FKBP4: variants seen among roughly 807,000 people sequenced by gnomAD.
FKBP4 encodes FKBP prolyl isomerase 4, also known as peptidyl-prolyl cis-trans isomerase FKBP4.
In FKBP4, 28 loss-of-function variants were observed where a neutral mutation model predicts 54.1. That is an observed-to-expected ratio of 0.52 (90% CI 0.38 to 0.71). The LOEUF is 0.71. FKBP4 is among the 30% of genes least tolerant of loss of function. The pLI is 0.00. For synonymous variants in FKBP4, 223 were observed against 216.1 expected (o/e 1.03, Z -0.28); for missense variants, 493 against 574.4 (o/e 0.86, Z 1.45).
Position 2,798,699 on chromosome 12 carries a change from C to A in FKBP4, c.394-7C>A. 1 of 1,613,254 alleles carries A rather than the reference C, an allele frequency of 6.2e-7. No homozygotes were observed. The highest frequency in any genetic ancestry group is 8.5e-7 in the Non-Finnish European group (1 of 1,179,984). On this transcript the variant is annotated splice_region_variant and splice_polypyrimidine_tract_variant and intron_variant, in intron 3 of 9. Coordinates refer to ENST00000001008, the MANE Select transcript of FKBP4 (RefSeq NM_002014.4). This position sits in a 1 kb window ranked among gnomAD's most constrained non-coding sequence, Gnocchi z 4.3. ...GGGAAGGAATTGTGTCACATCTTGT[C>A]CCACAGGTGGAGTTGTTTGAGTTTA...
Position 2,804,711 on chromosome 12 carries a change from G to A in FKBP4, c.*1453G>A, listed in dbSNP as rs1412269382. The A allele has an allele frequency of 1.3e-5, 2 of 156,406 alleles. No individual in the cohort carries two copies. Among genetic ancestry groups the A allele is most frequent in the Non-Finnish European group, 2.8e-5 (2 of 71,100 alleles). 9.7% of individuals were successfully genotyped at this position (156,406 alleles called of 1,614,324 possible). ...CATGCCTGTATAGTTCCTTCCAGAA[G>A]AAATGTATAATGGTGGAAGATGTAT... On this transcript the variant is annotated 3_prime_UTR_variant, in exon 10 of 10. Coordinates refer to ENST00000001008, the MANE Select transcript of FKBP4 (RefSeq NM_002014.4).
At chr12:2,800,659 G>A (rs2097904233) in intron 8 of FKBP4, 82 bp downstream of exon 8, 5 of 1,387,164 alleles carry the variant, frequency 3.6e-6, no homozygotes, top group African/African-American at 2.9e-5. Context: ...ACTTCCCCTT[G>A]GTGACTAGGG....
rs1478103914 is a variant in FKBP4, at chr12:2,795,042, C to A, written c.-98C>A. 1.5e-6 allele frequency: 1 copy of A among 664,854 alleles called. No homozygotes were observed. Among genetic ancestry groups the A allele is most frequent in the East Asian group, 4.0e-5 (1 of 25,314 alleles). 41.2% of individuals were successfully genotyped at this position (664,854 alleles called of 1,614,324 possible). On this transcript the variant is annotated 5_prime_UTR_variant, in exon 1 of 10. Coordinates refer to ENST00000001008, the MANE Select transcript of FKBP4 (RefSeq NM_002014.4). The surrounding 1 kb of genome is among the most constrained non-coding windows in gnomAD (Gnocchi z 4.3). ...CGGTCCGCAGTCAGTGCCGCCGCGC[C>A]CGGCCTCCCGCACGCCCCGCAGGTA... is the stretch of plus-strand genomic sequence containing the variant.
Position 2,798,718 on chromosome 12 carries a change from G to A in FKBP4, c.406G>A (p.Glu136Lys). 6.2e-7 allele frequency: 1 copy of A among 1,613,724 alleles called. No homozygotes were observed. The change falls in exon 4 of 10, where the codon GAG becomes AAG. Residue 136 changes from glutamate (E) to lysine (K), a missense_variant. Transcript: ENST00000001008. This position sits in a 1 kb window ranked among gnomAD's most constrained non-coding sequence, Gnocchi z 4.3. ...ATLVFEVELF[E>K]FKGEDLTEEE... ...TCTTGTCCCACAGGTGGAGTTGTTTGAGTTTAAGGGAGAAGATCTGACGGA... is the reference window on the plus strand; with the variant it reads ...TCTTGTCCCACAGGTGGAGTTGTTTAAGTTTAAGGGAGAAGATCTGACGGA...
chr12:2,799,107 C>T lies in FKBP4; in HGVS notation c.534C>T (p.Tyr178=), dbSNP rs776622503. ...TGCCAGTTGCACTGGAAGGGTACTA[C>T]AAGGACAAGCTCTTTGACCAGCGGG... is the stretch of plus-strand genomic sequence containing the variant. ...AIVEVALEGY[Y]KDKLFDQREL... is the part of the protein sequence containing the mutation. Residue 178 remains tyrosine, a synonymous_variant, in exon 5 of 10, where the codon TAC becomes TAT. Coordinates refer to ENST00000001008, the MANE Select transcript of FKBP4 (RefSeq NM_002014.4). The T allele has an allele frequency of 6.4e-7, 1 of 1,553,654 alleles. No individual in the cohort carries two copies. The highest frequency in any genetic ancestry group is 1.3e-5 in the South Asian group (1 of 79,222).
Position 2,795,018 on chromosome 12 carries a change from G to A in FKBP4, c.-122G>A, listed in dbSNP as rs540661281. 4 of 441,184 alleles carry A rather than the reference G, an allele frequency of 9.1e-6. No homozygotes were observed. The highest frequency in any genetic ancestry group is 4.2e-5 in the African/African-American group (2 of 48,050). The allele number at this position is 441,184 out of a possible 1,614,324, so 27.3% of individuals were successfully genotyped here. ...TGCAGAGGTGCTCAAGCCTCCTCGCGGTCCGCAGTCAGTGCCGCCGCGCCC... is the reference window on the plus strand; with the variant it reads ...TGCAGAGGTGCTCAAGCCTCCTCGCAGTCCGCAGTCAGTGCCGCCGCGCCC... On this transcript the variant is annotated 5_prime_UTR_variant, in exon 1 of 10. Coordinates refer to ENST00000001008, the MANE Select transcript of FKBP4 (RefSeq NM_002014.4). This position sits in a 1 kb window ranked among gnomAD's most constrained non-coding sequence, Gnocchi z 4.3.
At chr12:2,802,753 T>G (rs536211042) in intron 9 of FKBP4, among the ~76,000 whole-genome samples, 1 of 152,046 alleles carries the variant, frequency 6.6e-6, no homozygotes, top group Admixed American at 6.6e-5. Context: ...TGAGACAGTG[T>G]CTCTTGCCCT....
rs1286135903 is a variant in FKBP4, at chr12:2,804,136, C to T, written c.*878C>T. 6.6e-6 allele frequency: 1 copy of T among 152,502 alleles called. No homozygotes were observed. Among genetic ancestry groups the T allele is most frequent in the African/African-American group, 2.4e-5 (1 of 41,458 alleles). The allele number at this position is 152,502 out of a possible 1,614,324, so 9.4% of individuals were successfully genotyped here. On this transcript the variant is annotated 3_prime_UTR_variant, in exon 10 of 10. Transcript: ENST00000001008. ...CATGGCTTCCTGAGCACTGCACAGGCTGCCGCTGGGATTTGTGTCTATGGC... is the reference window on the plus strand; with the variant it reads ...CATGGCTTCCTGAGCACTGCACAGGTTGCCGCTGGGATTTGTGTCTATGGC...
chr12:2,799,680 T>C (rs963582650), intron 5 of FKBP4, among the ~76,000 whole-genome samples, 170 bp from the exon 6 acceptor site: 8 of 152,220 alleles, frequency 5.3e-5, no homozygotes, highest in African/African-American at 1.9e-4. Flanking sequence ...GTATGAAGGA[T>C]GCTGAGGGAC....
At position 2,795,847 on chromosome 12, in the gene FKBP4, G is replaced by GT; in HGVS notation, c.105+603_105+604insT. On this transcript the variant is annotated intron_variant, in intron 1 of 9. Coordinates refer to ENST00000001008, the MANE Select transcript of FKBP4 (RefSeq NM_002014.4). This position sits in a 1 kb window ranked among gnomAD's most constrained non-coding sequence, Gnocchi z 4.3. The stretch of plus-strand genomic sequence containing the variant: ...GGTCCCCTGCCGACGCCGGGACCCA[G>GT]CGAGGTCCCCACTCGCCGCGCGGCG... 1.6e-6 allele frequency: 1 copy of GT among 621,178 alleles called. No individual in the cohort carries two copies. Among genetic ancestry groups the GT allele is most frequent in the Non-Finnish European group, 2.0e-6 (1 of 495,824 alleles). The allele number at this position is 621,178 out of a possible 1,614,324, so 38.5% of individuals were successfully genotyped here. A position where few individuals can be genotyped will look rare whatever the true frequency, so the allele number is the denominator to read the frequency against.
intron 9 of FKBP4, chr12:2,801,624 C>T (rs538137092): frequency 3.6e-6 from 2 of 549,970 alleles, no homozygotes; most frequent in East Asian, 8.8e-5. Context: ...CGCCGTGGCT[C>T]ACACCTGCAA....
chr12:2,796,067 G>A, intron 1 of FKBP4: 1 of 1,184,832 alleles, frequency 8.4e-7, no homozygotes, highest in South Asian at 1.6e-5. Context: ...ATCTTGACCT[G>A]GGCCAGGACA....
rs2097902292 is a variant in FKBP4, at chr12:2,797,131, C to T, written c.106-7C>T. The T allele has an allele frequency of 2.5e-6, 4 of 1,612,092 alleles. No homozygotes were observed. Among genetic ancestry groups the T allele is most frequent in the Non-Finnish European group, 3.4e-6 (4 of 1,179,794 alleles). On this transcript the variant is annotated splice_polypyrimidine_tract_variant and splice_region_variant and intron_variant, in intron 1 of 9. Coordinates refer to ENST00000001008, the MANE Select transcript of FKBP4 (RefSeq NM_002014.4). ...TGGGGTACTCACTTTCTCCCCCTTC[C>T]TCCCAGGTCATCAAGAGAGAGGGCA... is the stretch of plus-strand genomic sequence containing the variant.
intron 7 of FKBP4, 51 bp from the exon 8 acceptor site, chr12:2,800,341 C>T: frequency 6.4e-7 from 1 of 1,560,830 alleles, no homozygotes; most frequent in Non-Finnish European, 8.7e-7. Context: ...GGTATAAGAG[C>T]CTAGTACCAC....
intron 1 of FKBP4, chr12:2,796,480 A>G (rs1175087464): frequency 1.6e-6 from 2 of 1,213,002 alleles, no homozygotes; most frequent in African/African-American, 3.2e-5. Flanking sequence ...CCACACACCT[A>G]CCAGGTGGCG....
chr12:2,796,343 C>T (rs533928601), intron 1 of FKBP4: 18 of 1,289,210 alleles, frequency 1.4e-5, no homozygotes, highest in South Asian at 3.7e-5. Flanking sequence ...AGCGTCCTGC[C>T]GTTTTCTACG....
intron 9 of FKBP4, chr12:2,801,856 CCAGAAGCAG>C (rs1198075844): frequency 1.8e-5 from 5 of 280,218 alleles, no homozygotes; most frequent in Non-Finnish European, 2.9e-5. Flanking sequence ...GCCTCCCCCA[CCAGAAGCAG>C]CTGCCCCTTC....
rs1565399507 is a variant in FKBP4 at position 2,804,912 on chromosome 12, C to CT, written c.*1660dup. 4.5e-6 allele frequency: 1 copy of CT among 222,344 alleles called. No homozygotes were observed. Among genetic ancestry groups the CT allele is most frequent in the East Asian group, 1.5e-4 (1 of 6,728 alleles). 13.8% of individuals were successfully genotyped at this position (222,344 alleles called of 1,614,324 possible). A position where few individuals can be genotyped will look rare whatever the true frequency, so the allele number is the denominator to read the frequency against. On this transcript the variant is annotated 3_prime_UTR_variant, in exon 10 of 10. Coordinates refer to ENST00000001008, the MANE Select transcript of FKBP4 (RefSeq NM_002014.4). ...CCTGGGCAAGAGAGTGAGACCATCT[C>CT]TTTTTTAAAAAAGTCCCTGTGTAAC...
chr12:2,797,980 T>C, intron 3 of FKBP4, 109 bp downstream of exon 3: 2 of 1,378,082 alleles, frequency 1.5e-6, no homozygotes, highest in South Asian at 2.7e-5. Context: ...TAGCCAAGGC[T>C]GAGGGTCTGG....
Sources: gnomAD v4.1 joint callset for allele counts (sites outside exome capture counted in the v4.1 genomes callset) on GRCh38, gnomAD v4.1.1 for gene constraint, Gnocchi (gnomAD v3.1) non-coding constraint, MANE v1.5 for transcripts, NCBI Gene and HGNC (gene_info 2026-07-23, HGNC 2026-07-21) for gene names.